The following ARID1B variants were observed in gnomAD, a reference collection of about 807,000 sequenced individuals.
The protein encoded by ARID1B is AT-rich interaction domain 1B.
ARID1B carries 30 observed loss-of-function variants against 212.3 expected under a neutral mutation model. The observed-to-expected ratio is 0.14, with a 90% CI of 0.11 to 0.19. The LOEUF (loss-of-function observed/expected upper bound fraction) is 0.19. ARID1B is among the 10% of genes least tolerant of loss of function. ARID1B has a pLI of 1.00. For missense variants in ARID1B, 2,891 were observed against 3,204.0 expected (o/e 0.90, Z 2.36); for synonymous variants, 1,402 against 1,301.7 (o/e 1.08, Z -1.66).
intron 3 of ARID1B, among the ~76,000 whole-genome samples, chr6:156,916,961 A>G (rs1790407090): frequency 6.6e-6 from 1 of 152,198 alleles, no homozygotes. Context: ...GCTGTCTGTC[A>G]GTACCCTTTC....
intron 4 of ARID1B, among the ~76,000 whole-genome samples, chr6:157,069,283 T>C (rs1418152304): frequency 1.3e-5 from 2 of 152,188 alleles, no homozygotes; most frequent in African/African-American, 4.8e-5. Context: ...ATGTGTCAGG[T>C]ATGGGAACCT....
At chr6:156,859,215 G>A (rs1239790709) in intron 2 of ARID1B, among the ~76,000 whole-genome samples, 1 of 152,124 alleles carries the variant, frequency 6.6e-6, no homozygotes, top group Non-Finnish European at 1.5e-5. Context: ...CCGGGTTCAC[G>A]CCATTTTCCT....
intron 18 of ARID1B, among the ~76,000 whole-genome samples, chr6:157,202,956 A>G (rs1021334778): frequency 6.6e-6 from 1 of 152,208 alleles, no homozygotes; most frequent in South Asian, 2.1e-4. Context: ...AGTGCGGGTT[A>G]TATAGCATTT....
chr6:157,077,480 G>A (rs1462578205), intron 4 of ARID1B, among the ~76,000 whole-genome samples: 3 of 152,044 alleles, frequency 2.0e-5, no homozygotes, highest in Non-Finnish European at 4.4e-5. Flanking sequence ...CCCAAGTGCC[G>A]CCTGTGCCGA....
chr6:157,054,242 G>A (rs1782793349), intron 4 of ARID1B, among the ~76,000 whole-genome samples: 1 of 126,060 alleles, frequency 7.9e-6, no homozygotes, highest in South Asian at 2.4e-4. Flanking sequence ...GAAGGTGGAT[G>A]GCCAGGAGCT....
At chr6:156,931,850 T>C (rs1791746985) in intron 3 of ARID1B, among the ~76,000 whole-genome samples, 1 of 150,602 alleles carries the variant, frequency 6.6e-6, no homozygotes, top group Non-Finnish European at 1.5e-5. Context: ...TAATCCCAGC[T>C]ACTCGGGAGG....
chr6:157,111,474 G>T (rs1271211722), intron 6 of ARID1B, among the ~76,000 whole-genome samples: 1 of 152,120 alleles, frequency 6.6e-6, no homozygotes, highest in African/African-American at 2.4e-5. Flanking sequence ...GAGAGATACC[G>T]CTGTCCTGCA....
At chr6:157,154,750 T>G (rs1790465023) in intron 8 of ARID1B, among the ~76,000 whole-genome samples, 1 of 152,052 alleles carries the variant, frequency 6.6e-6, no homozygotes, top group Non-Finnish European at 1.5e-5. Context: ...GGCTAATTTT[T>G]GTATTTTTTT....
intron 4 of ARID1B, chr6:157,023,905 T>C (rs531586164): frequency 6.6e-6 from 1 of 152,374 alleles, no homozygotes; most frequent in Admixed American, 6.5e-5. Flanking sequence ...AGTGTATGGC[T>C]TGACAGATTT....
At chr6:156,883,534 G>A (rs796844714) in intron 2 of ARID1B, among the ~76,000 whole-genome samples, 6 of 151,872 alleles carry the variant, frequency 4.0e-5, no homozygotes, top group African/African-American at 1.5e-4. Flanking sequence ...TCCTCTGGAC[G>A]TGCTGCCTCT....
chr6:157,171,410 C>T (rs1479966224), intron 9 of ARID1B, among the ~76,000 whole-genome samples: 1 of 152,200 alleles, frequency 6.6e-6, no homozygotes, highest in Non-Finnish European at 1.5e-5. Context: ...TGGTCCTTCT[C>T]TTCTGGGAAA....
chr6:156,870,428 C>G (rs1786035519), intron 2 of ARID1B: 2 of 152,338 alleles, frequency 1.3e-5, no homozygotes, highest in Admixed American at 1.3e-4. Context: ...AGCTTCCAGC[C>G]TGGTGCTAGA....
At chr6:157,016,045 G>A (rs1223674322) in intron 4 of ARID1B, among the ~76,000 whole-genome samples, 3 of 152,162 alleles carry the variant, frequency 2.0e-5, no homozygotes, top group African/African-American at 4.8e-5. Context: ...TTTTATCTCG[G>A]AAGACATTTG....
intron 3 of ARID1B, among the ~76,000 whole-genome samples, chr6:156,913,017 CTTTCT>C (rs1249421206): frequency 5.6e-4 from 73 of 130,102 alleles, no homozygotes; most frequent in African/African-American, 1.9e-3. Flanking sequence ...TCTTTTCATA[CTTTCT>C]TTTTTTTTTT....
chr6:156,964,527 G>A (rs1794610970), intron 4 of ARID1B, among the ~76,000 whole-genome samples: 1 of 152,122 alleles, frequency 6.6e-6, no homozygotes, highest in Admixed American at 6.5e-5. Flanking sequence ...GATTATTTGA[G>A]AAATTTGTGG....
rs954564305 is a variant in ARID1B at position 156,858,434 on chromosome 6, C to T, written c.1986+29013C>T. Among the ~76,000 whole-genome samples, 5 of 152,272 alleles carry T rather than the reference C, an allele frequency of 3.3e-5. No individual in the cohort carries two copies. The South Asian group carries it at 6.2e-4, about 19-fold the overall frequency. ...TTTGAGGTGATGGATATATTAATTACCCTGATTTGATGATTACACATTGTA... is the reference window on the plus strand; with the variant it reads ...TTTGAGGTGATGGATATATTAATTATCCTGATTTGATGATTACACATTGTA... On this transcript the variant is annotated intron_variant, in intron 2 of 19. Coordinates refer to ENST00000636930, the MANE Select transcript of ARID1B (RefSeq NM_001374828.1).
At chr6:157,103,332 G>A (rs914464205) in intron 5 of ARID1B, among the ~76,000 whole-genome samples, 3 of 152,048 alleles carry the variant, frequency 2.0e-5, no homozygotes, top group Non-Finnish European at 4.4e-5. Context: ...CAAACAGTCT[G>A]AATTTTCTGT....
At chr6:157,184,755 T>C in intron 13 of ARID1B, 1 of 379,976 alleles carries the variant, frequency 2.6e-6, no homozygotes, top group South Asian at 2.5e-5. Context: ...AGATTCCATC[T>C]ACCTCTACAC....
At chr6:156,786,960 T>C (rs1243407500) in intron 1 of ARID1B, among the ~76,000 whole-genome samples, 3 of 151,830 alleles carry the variant, frequency 2.0e-5, no homozygotes, top group African/African-American at 7.3e-5. Context: ...TTTTTTTTTT[T>C]TTTCCGGTGG....
Sources: allele counts gnomAD v4.1 joint callset (sites outside exome capture counted in the v4.1 genomes callset), GRCh38; gene constraint gnomAD v4.1.1; transcripts MANE v1.5; gene names NCBI Gene and HGNC (gene_info 2026-07-23, HGNC 2026-07-21).